The following ZCCHC2 variants were observed in gnomAD, a reference collection of about 807,000 sequenced individuals.
ZCCHC2 encodes zinc finger CCHC domain-containing protein 2.
In ZCCHC2, 39 loss-of-function variants were observed where a neutral mutation model predicts 103.6. The ratio of observed to expected loss-of-function variants is 0.38; its 90% CI spans 0.29 to 0.49. The LOEUF is 0.49. Among genes scored for constraint, ZCCHC2 ranks in the 20% least tolerant of loss-of-function variants. The pLI is 0.96. For synonymous variants in ZCCHC2, 687 were observed against 608.9 expected, an observed-to-expected ratio of 1.13 and a Z score of -1.89; for missense variants, 1,483 against 1,491.0, an observed-to-expected ratio of 0.99 and a Z score of 0.09.
intron 1 of ZCCHC2, chr18:62,526,833 C>T (rs1319678474): frequency 2.0e-5 from 3 of 151,892 alleles, no homozygotes; most frequent in East Asian, 1.9e-4. Flanking sequence ...GCGCCTCCCA[C>T]GTGACCGGCG....
chr18:62,564,551 C>G lies in ZCCHC2; in HGVS notation c.1687-20C>G, dbSNP rs1420004081. The stretch of plus-strand genomic sequence containing the variant: ...ATGGTTTAGCTTTTGTCTGATTTGT[C>G]TTTTTATTCTTTCTACTAGCATTCT... On this transcript the variant is annotated intron_variant, in intron 9 of 13. Transcript: ENST00000269499. The G allele has an allele frequency of 6.7e-7, 1 of 1,495,658 alleles. No individual in the cohort carries two copies. The highest frequency in any genetic ancestry group is 9.0e-7 in the Non-Finnish European group (1 of 1,112,802). The allele number at this position is 1,495,658 out of a possible 1,614,324, so 92.6% of individuals were successfully genotyped here.
intron 1 of ZCCHC2, among the ~76,000 whole-genome samples, chr18:62,528,747 C>T (rs1357985475): frequency 1.3e-5 from 2 of 152,150 alleles, no homozygotes; most frequent in African/African-American, 4.8e-5. Context: ...AACGATGCTA[C>T]TTCAAGATAA....
intron 8 of ZCCHC2, 98 bp from the exon 9 acceptor site, chr18:62,562,911 A>G (rs1916186974): frequency 2.9e-6 from 4 of 1,383,318 alleles, no homozygotes; most frequent in South Asian, 2.9e-5. Context: ...GAAGAAACTA[A>G]TATATTGAAG....
chr18:62,524,019 G>A lies in ZCCHC2; in HGVS notation c.595G>A (p.Asp199Asn). Residue 199 changes from aspartate (D) to asparagine (N), a missense_variant, in exon 1 of 14, where the codon GAC becomes AAC. Coordinates refer to ENST00000269499, the MANE Select transcript of ZCCHC2 (RefSeq NM_017742.6). The part of the protein sequence containing the change: ...GRLHRLLPQV[D>N]SVLKSLRAAR... ...TCTGCACCGCCTGCTACCCCAGGTG[G>A]ACTCGGTGCTCAAAAGCCTGCGCGC... The A allele has an allele frequency of 1.4e-6, 2 of 1,479,066 alleles. No homozygotes were observed. The highest frequency in any genetic ancestry group is 1.3e-5 in the South Asian group (1 of 74,696). 91.6% of individuals were successfully genotyped at this position (1,479,066 alleles called of 1,614,324 possible).
At chr18:62,572,670 C>T (rs1053108811) in intron 12 of ZCCHC2, among the ~76,000 whole-genome samples, 4 of 152,148 alleles carry the variant, frequency 2.6e-5, no homozygotes, top group African/African-American at 9.7e-5. Flanking sequence ...AAGGGTGAGA[C>T]ATGTCTCAGC....
At chr18:62,534,064 A>G (rs1034702041) in intron 1 of ZCCHC2, among the ~76,000 whole-genome samples, 8 of 151,038 alleles carry the variant, frequency 5.3e-5, no homozygotes, top group Middle Eastern at 3.2e-3. Context: ...TGAATCTTCA[A>G]TGGGTGGATG....
rs1916765007 is a variant in ZCCHC2, at chr18:62,574,947, A to C, written c.2866A>C (p.Thr956Pro). 6.2e-7 allele frequency: 1 copy of C among 1,613,820 alleles called. No individual in the cohort carries two copies. The highest frequency in any genetic ancestry group is 8.5e-7 in the Non-Finnish European group (1 of 1,179,864). ...ASAGISQAQA[T>P]VPPAVPTHTP... ...CGCAGGTATCAGCCAGGCCCAGGCA[A>C]CTGTTCCTCCTGCAGTTCCTACCCA... The change falls in exon 13 of 14, where the codon ACT (threonine) becomes CCT (proline). Residue 956 changes from threonine to proline, a missense_variant. Around this residue, in one of 3 missense-constraint regions of ZCCHC2, gnomAD observed 884 missense variants for 907.5 expected, o/e 0.97. Coordinates refer to ENST00000269499, the MANE Select transcript of ZCCHC2 (RefSeq NM_017742.6).
chr18:62,563,830 A>G (rs1916228729), intron 9 of ZCCHC2, among the ~76,000 whole-genome samples: 1 of 152,188 alleles, frequency 6.6e-6, no homozygotes, highest in Non-Finnish European at 1.5e-5. Flanking sequence ...ACCTTTCTTC[A>G]TGAATATTTG....
chr18:62,549,371 A>G (rs1485124674), intron 4 of ZCCHC2, among the ~76,000 whole-genome samples: 2 of 152,248 alleles, frequency 1.3e-5, no homozygotes, highest in East Asian at 1.9e-4. Context: ...CTGTACCCAC[A>G]ATGAGGAATG....
rs765522998 is a variant in ZCCHC2 at position 62,575,250 on chromosome 18, G to A, written c.3169G>A (p.Gly1057Ser). The change falls in exon 13 of 14, where the codon GGC (glycine) becomes AGC (serine). Residue 1057 changes from glycine to serine, a missense_variant. Physicochemically the swap from Gly to Ser is moderately conservative, Grantham distance 56. This residue lies in a region of ZCCHC2 where 884 missense variants were observed against 907.5 expected (regional missense o/e 0.97). Transcript: ENST00000269499. ...SFFTLPSICN[G>S]SYLNQAHQSN... ...CTTTACTCTGCCATCCATTTGCAAT[G>A]GCAGCTACCTCAACCAAGCACATCA... 10 of 1,613,854 alleles carry A rather than the reference G, an allele frequency of 6.2e-6. No individual in the cohort carries two copies. The Admixed American group carries it at 1.7e-4, about 27-fold the overall frequency.
chr18:62,524,288 C>T lies in ZCCHC2; in HGVS notation c.864C>T (p.Arg288=). 1.3e-6 allele frequency: 2 copies of T among 1,548,876 alleles called. No individual in the cohort carries two copies. Among genetic ancestry groups the T allele is most frequent in the Non-Finnish European group, 1.7e-6 (2 of 1,146,360 alleles). The change falls in exon 1 of 14, where the codon CGC becomes CGT. Residue 288 remains arginine (R), a synonymous_variant. Transcript: ENST00000269499. ...VTLREHLERL[R]AALRGGPEDA... is the part of the protein sequence containing the mutation. ...TGAGGGAACACTTGGAGAGGCTCCG[C>T]GCCGCGCTCCGCGGGGGCCCCGAGG...
At chr18:62,555,663 C>T (rs1187724049) in intron 5 of ZCCHC2, among the ~76,000 whole-genome samples, 2 of 152,126 alleles carry the variant, frequency 1.3e-5, no homozygotes, top group African/African-American at 4.8e-5. Flanking sequence ...ACAAAATTAG[C>T]CAGGCGTGGT....
intron 6 of ZCCHC2, 66 bp from the exon 7 acceptor site, chr18:62,558,621 T>G: frequency 1.0e-6 from 1 of 968,244 alleles, no homozygotes; most frequent in Non-Finnish European, 1.5e-6. Flanking sequence ...AAAAAAACAA[T>G]TATTATATTT....
intron 11 of ZCCHC2, among the ~76,000 whole-genome samples, chr18:62,567,003 T>C (rs990259892): frequency 5.3e-5 from 8 of 152,236 alleles, no homozygotes; most frequent in African/African-American, 1.7e-4. Context: ...TCAAGTGTTA[T>C]GAAAATAACA....
chr18:62,524,483 C>G, intron 1 of ZCCHC2, 120 bp downstream of exon 1: 1 of 1,375,200 alleles, frequency 7.3e-7, no homozygotes, highest in Non-Finnish European at 9.4e-7. Flanking sequence ...CTCGGAATCC[C>G]CACCCGGCAG....
chr18:62,546,225 G>A (rs922350325), intron 4 of ZCCHC2, among the ~76,000 whole-genome samples: 7 of 152,194 alleles, frequency 4.6e-5, no homozygotes, highest in African/African-American at 1.7e-4. Flanking sequence ...GCTGTGCTCA[G>A]TCATGGTAAC....
At position 62,523,260 on chromosome 18, in the gene ZCCHC2, C is replaced by T; in HGVS notation, c.-165C>T. The T allele has an allele frequency of 1.8e-6, 1 of 554,636 alleles. No individual in the cohort carries two copies. Among genetic ancestry groups the T allele is most frequent in the Non-Finnish European group, 2.3e-6 (1 of 436,694 alleles). 34.4% of individuals were successfully genotyped at this position (554,636 alleles called of 1,614,324 possible). ...CGACGCCAGCGACCCCGCCGGCCGG[C>T]CACCGCCCCCCTCGCCGGCCGAGAC... is the stretch of plus-strand genomic sequence containing the variant. On this transcript the variant is annotated 5_prime_UTR_variant, in exon 1 of 14. Transcript: ENST00000269499.
At chr18:62,585,221 T>G (rs995161482) in exon 15 of ZCCHC2, 4 of 152,266 alleles carry the variant, frequency 2.6e-5, no homozygotes, top group African/African-American at 9.6e-5. Flanking sequence ...TTTAAATGTG[T>G]ACAGATATCT....
At chr18:62,562,508 A>G (rs1241166200) in intron 8 of ZCCHC2, among the ~76,000 whole-genome samples, 1 of 151,506 alleles carries the variant, frequency 6.6e-6, no homozygotes, top group African/African-American at 2.4e-5. Context: ...TTCTTTTCCA[A>G]ATTTCTCTTC....
Sources: gnomAD v4.1 joint callset for allele counts (sites outside exome capture counted in the v4.1 genomes callset) on GRCh38, gnomAD v4.1.1 for gene constraint, gnomAD v4.1.1 regional missense constraint, MANE v1.5 for transcripts, NCBI Gene and HGNC (gene_info 2026-07-23, HGNC 2026-07-21) for gene names.